The following NFE2L1 variants were observed in gnomAD, a reference collection of about 807,000 sequenced individuals.
NFE2L1 encodes NFE2 like bZIP transcription factor 1.
A neutral mutation model predicts 61.6 loss-of-function variants in NFE2L1; 18 were observed. That is an observed-to-expected ratio of 0.29 (90% CI 0.20 to 0.43). The LOEUF is 0.43. NFE2L1 is among the 20% of genes least tolerant of loss of function. NFE2L1 has a pLI of 1.00. For synonymous variants in NFE2L1, 419 were observed against 402.7 expected (o/e 1.04, Z -0.48); for missense variants, 827 against 973.5 (o/e 0.85, Z 2.00).
chr17:48,051,183 T>C lies in NFE2L1; in HGVS notation c.65T>C (p.Ile22Thr), dbSNP rs2037239190. The stretch of plus-strand genomic sequence containing the variant: ...CAGTTCACCATTCTGCTGAGTTTGA[T>C]TGGGGTACGGGTGGACGTGGATACT... ...LLQFTILLSLIGVRVDVDTYL... is the reference protein window; with the variant it reads ...LLQFTILLSLTGVRVDVDTYL... The change falls in exon 2 of 6, where the codon ATT becomes ACT. Residue 22 changes from isoleucine (I) to threonine (T), a missense_variant. Physicochemically the swap from Ile to Thr is moderately conservative, Grantham distance 89 (BLOSUM62 -1). This residue lies in a region of NFE2L1 where 667 missense variants were observed against 748.4 expected (regional missense o/e 0.89). Transcript: ENST00000362042. 1.2e-6 allele frequency: 2 copies of C among 1,614,156 alleles called. No individual in the cohort carries two copies. Among genetic ancestry groups the C allele is most frequent in the Non-Finnish European group, 1.7e-6 (2 of 1,180,020 alleles).
rs760750778 is a variant in NFE2L1, at chr17:48,058,819, T to TTCTTCCTCCTCC, written c.1506_1517dup (p.Ser506_Ser509dup). On this transcript the variant is annotated inframe_insertion, in exon 6 of 6. Transcript: ENST00000362042. ...GCAGCTCTGAAGGCAGTTCTTCCTC[T>TTCTTCCTCCTCC]TCTTCCTCCTCCTCTTCCTCTTCTT... The TTCTTCCTCCTCC allele has an allele frequency of 1.2e-6, 2 of 1,613,984 alleles. No individual in the cohort carries two copies. Among genetic ancestry groups the TTCTTCCTCCTCC allele is most frequent in the Non-Finnish European group, 1.7e-6 (2 of 1,179,930 alleles).
rs1360393098 is a variant in NFE2L1, at chr17:48,051,247, C to T, written c.129C>T (p.Ile43=). 12 of 1,614,156 alleles carry T rather than the reference C, an allele frequency of 7.4e-6. No individual in the cohort carries two copies. Among genetic ancestry groups the T allele is most frequent in the Non-Finnish European group, 1.0e-5 (12 of 1,180,016 alleles). The part of the protein sequence containing the change: ...TSQLPPLREI[I]LGPSSAYTQT... ...AGCTTCCCCCACTCCGGGAGATCAT[C>T]CTGGGGCCCAGTTCTGCCTATACTC... The change falls in exon 2 of 6, where the codon ATC becomes ATT. Residue 43 remains isoleucine (I), a synonymous_variant. Coordinates refer to ENST00000362042, the MANE Select transcript of NFE2L1 (RefSeq NM_003204.3).
chr17:48,056,606 C>A lies in NFE2L1; in HGVS notation c.723+8C>A. On this transcript the variant is annotated splice_region_variant and intron_variant, in intron 3 of 5. Coordinates refer to ENST00000362042, the MANE Select transcript of NFE2L1 (RefSeq NM_003204.3). ...GAGAGCTTCCCTGCACAGGTACCATCGCCCCTGCTCACTGGGCTCTCTTCT... is the reference window on the plus strand; with the variant it reads ...GAGAGCTTCCCTGCACAGGTACCATAGCCCCTGCTCACTGGGCTCTCTTCT... 2 of 1,611,980 alleles carry A rather than the reference C, an allele frequency of 1.2e-6. No individual in the cohort carries two copies.
In NFE2L1 at chr17:48,050,786, G is replaced by A. The variant is rs1026609315; in HGVS notation, c.-333G>A. The stretch of plus-strand genomic sequence containing the variant: ...TCTACAGAGAGGACAACTAATGTGA[G>A]TGAGGAAGTGACTGTATGTGGACTG... On this transcript the variant is annotated 5_prime_UTR_variant, in exon 2 of 6. The change creates a new upstream start codon in the 5' untranslated region. Transcript: ENST00000362042. The A allele has an allele frequency of 7.2e-6, 4 of 552,822 alleles. No individual in the cohort carries two copies. The highest frequency in any genetic ancestry group is 1.9e-5 in the African/African-American group (1 of 53,376). 34.2% of individuals were successfully genotyped at this position (552,822 alleles called of 1,614,324 possible).
rs932470324 is a variant in NFE2L1, at chr17:48,060,928, G to A, written c.*1287G>A. On this transcript the variant is annotated 3_prime_UTR_variant, in exon 6 of 6. Transcript: ENST00000362042. ...TTCAAAGCTGCTAAATGTTCTCTTT[G>A]CCATAAAGACTCCGTGTAACTGTGT... The A allele has an allele frequency of 2.0e-5, 3 of 152,628 alleles. No homozygotes were observed. Among genetic ancestry groups the A allele is most frequent in the Non-Finnish European group, 4.4e-5 (3 of 68,042 alleles). The allele number at this position is 152,628 out of a possible 1,614,324, so 9.5% of individuals were successfully genotyped here.
In NFE2L1 at chr17:48,056,535, C is replaced by T. The variant is rs761037568; in HGVS notation, c.660C>T (p.Gly220=). 1.7e-5 allele frequency: 27 copies of T among 1,613,974 alleles called. No individual in the cohort carries two copies. The Admixed American group carries it at 1.8e-4, about 11-fold the overall frequency. ...GGEQDTWAGE[G]AEALARNLLV... ...AGCAGGACACCTGGGCAGGCGAGGG[C>T]GCGGAAGCTCTGGCACGGAACCTGC... Residue 220 remains glycine, a synonymous_variant, in exon 3 of 6, where the codon GGC becomes GGT. Coordinates refer to ENST00000362042, the MANE Select transcript of NFE2L1 (RefSeq NM_003204.3).
chr17:48,053,282 C>G (rs1344175435), intron 2 of NFE2L1, among the ~76,000 whole-genome samples: 2 of 152,096 alleles, frequency 1.3e-5, no homozygotes, highest in Admixed American at 1.3e-4. Flanking sequence ...GTTTCTTGGC[C>G]CTCGTGAAGG....
chr17:48,050,331 T>G (rs1181200729), intron 1 of NFE2L1, among the ~76,000 whole-genome samples: 1 of 152,086 alleles, frequency 6.6e-6, no homozygotes, highest in Non-Finnish European at 1.5e-5. Flanking sequence ...ATACAAAAAT[T>G]AGCAGGGCGT....
chr17:48,053,501 C>T (rs1006140066), intron 2 of NFE2L1, among the ~76,000 whole-genome samples: 3 of 152,200 alleles, frequency 2.0e-5, no homozygotes, highest in African/African-American at 7.2e-5. Context: ...TGGCAGTACT[C>T]CCCCGCTGCC....
rs1177640973 is a variant in NFE2L1, at chr17:48,060,662, C to G, written c.*1021C>G. On this transcript the variant is annotated 3_prime_UTR_variant, in exon 6 of 6. Coordinates refer to ENST00000362042, the MANE Select transcript of NFE2L1 (RefSeq NM_003204.3). ...GTGAGGCAGAGGAATGATGGAGAAT[C>G]TAGTGTAGCAGCCTCCAGGCAGGAT... The G allele has an allele frequency of 1.3e-5, 2 of 152,720 alleles. No homozygotes were observed. The highest frequency in any genetic ancestry group is 4.8e-5 in the African/African-American group (2 of 41,460). 9.5% of individuals were successfully genotyped at this position (152,720 alleles called of 1,614,324 possible).
At chr17:48,049,426 C>T (rs1177223281) in intron 1 of NFE2L1, among the ~76,000 whole-genome samples, 1 of 151,690 alleles carries the variant, frequency 6.6e-6, no homozygotes, top group South Asian at 2.1e-4. Flanking sequence ...GAGTTTTGCT[C>T]TTGTTGCCCA....
intron 2 of NFE2L1, chr17:48,054,967 C>T: frequency 6.8e-7 from 1 of 1,473,022 alleles, no homozygotes; most frequent in Non-Finnish European, 8.9e-7. Flanking sequence ...CTCCTTGCAG[C>T]CCCCTGTCCG....
chr17:48,052,369 G>T (rs543605601), intron 2 of NFE2L1, among the ~76,000 whole-genome samples: 1 of 152,266 alleles, frequency 6.6e-6, no homozygotes, highest in South Asian at 2.1e-4. Context: ...TGCTGCCCCT[G>T]CCTCACCAAC....
rs1598289905 is a variant in NFE2L1, at chr17:48,056,943, T to A, written c.724-89T>A. 6.0e-6 allele frequency: 8 copies of A among 1,337,974 alleles called. No homozygotes were observed. The South Asian group carries it at 1.0e-4, about 17-fold the overall frequency. The allele number at this position is 1,337,974 out of a possible 1,614,324, so 82.9% of individuals were successfully genotyped here. ...ATTAGCCTGGGAATGGGAGGGAGAC[T>A]GCAGGGCTTCAGCCATTCTGGGAAA... On this transcript the variant is annotated intron_variant, in intron 3 of 5. Coordinates refer to ENST00000362042, the MANE Select transcript of NFE2L1 (RefSeq NM_003204.3).
intron 1 of NFE2L1, among the ~76,000 whole-genome samples, chr17:48,049,605 C>G (rs1262911454): frequency 6.6e-6 from 1 of 152,202 alleles, no homozygotes; most frequent in Admixed American, 6.5e-5. Context: ...GTTGTTCAGG[C>G]TGGTCTCAAA....
In NFE2L1 at chr17:48,058,371, G is replaced by T; in HGVS notation, c.1049G>T (p.Ser350Ile). Residue 350 changes from serine (S) to isoleucine (I), a missense_variant, in exon 6 of 6, where the codon AGC becomes ATC. Coordinates refer to ENST00000362042, the MANE Select transcript of NFE2L1 (RefSeq NM_003204.3). ...GGAGACCCACTGAGCACCAACTACAGCCTTGCCCCCAACACTCCCATCAAT... is the reference window on the plus strand; with the variant it reads ...GGAGACCCACTGAGCACCAACTACATCCTTGCCCCCAACACTCCCATCAAT... ...PPGDPLSTNY[S>I]LAPNTPINQN... 2 of 1,614,120 alleles carry T rather than the reference G, an allele frequency of 1.2e-6. No individual in the cohort carries two copies. The highest frequency in any genetic ancestry group is 1.7e-6 in the Non-Finnish European group (2 of 1,179,998).
At chr17:48,048,494 G>A (rs2037148634) in intron 1 of NFE2L1, 32 bp downstream of exon 1, 1 of 153,172 alleles carries the variant, frequency 6.5e-6, no homozygotes, top group Admixed American at 6.5e-5. Flanking sequence ...TTCCCAGAAG[G>A]GAGGGTTGCA....
rs941932444 is a variant in NFE2L1 at position 48,059,360 on chromosome 17, C to T, written c.2038C>T (p.Leu680=). The T allele has an allele frequency of 6.2e-7, 1 of 1,614,218 alleles. No homozygotes were observed. The highest frequency in any genetic ancestry group is 8.5e-7 in the Non-Finnish European group (1 of 1,180,050). The change falls in exon 6 of 6, where the codon CTG becomes TTG. Residue 680 remains leucine, a synonymous_variant. Transcript: ENST00000362042. This position sits in a 1 kb window ranked among gnomAD's most constrained non-coding sequence, Gnocchi z 6.1. Reference sequence around the variant, plus strand: ...CCGCAAGCGCAAGCTGGACACCATCCTGAATCTGGAGCGTGATGTGGAGGA... The same window carrying T: ...CCGCAAGCGCAAGCTGGACACCATCTTGAATCTGGAGCGTGATGTGGAGGA... ...NCRKRKLDTI[L]NLERDVEDLQ...
At position 48,051,724 on chromosome 17, in the gene NFE2L1, A is replaced by C. The variant is rs1233344599; in HGVS notation, c.510+96A>C. The C allele has an allele frequency of 6.8e-6, 10 of 1,469,540 alleles. No homozygotes were observed. In the East Asian group the frequency reaches 2.1e-4, roughly 30 times the overall value. 91.0% of individuals were successfully genotyped at this position (1,469,540 alleles called of 1,614,324 possible). A position where few individuals can be genotyped will look rare whatever the true frequency, so the allele number is the denominator to read the frequency against. The stretch of plus-strand genomic sequence containing the variant: ...AGAACACTGAGCCCTGTAAAGAGCC[A>C]GACAGGTTTCAGCAGGGCCTCAGGC... On this transcript the variant is annotated intron_variant, in intron 2 of 5. Coordinates refer to ENST00000362042, the MANE Select transcript of NFE2L1 (RefSeq NM_003204.3).
Sources: gnomAD v4.1 joint callset for allele counts (sites outside exome capture counted in the v4.1 genomes callset) on GRCh38, gnomAD v4.1.1 for gene constraint, gnomAD v4.1.1 regional missense constraint, Gnocchi (gnomAD v3.1) non-coding constraint, MANE v1.5 for transcripts, NCBI Gene and HGNC (gene_info 2026-07-23, HGNC 2026-07-21) for gene names.